The following SLC25A21 variants were observed in gnomAD, a reference collection of about 807,000 sequenced individuals.
The protein encoded by SLC25A21 is solute carrier family 25 member 21, also known as mitochondrial 2-oxodicarboxylate carrier.
In SLC25A21, 47 loss-of-function variants were observed where a neutral mutation model predicts 43.8. The ratio of observed to expected loss-of-function variants is 1.07; its 90% CI spans 0.85 to 1.37. SLC25A21 has a LOEUF of 1.37. SLC25A21 is among the 40% of genes most tolerant of loss of function. The pLI is 0.00. For missense variants in SLC25A21, 352 were observed against 350.2 expected (o/e 1.00, Z -0.04); for synonymous variants, 131 against 121.3 (o/e 1.08, Z -0.52).
At chr14:37,139,410 A>T (rs1330232744) in intron 1 of SLC25A21, among the ~76,000 whole-genome samples, 3 of 152,044 alleles carry the variant, frequency 2.0e-5, no homozygotes, top group Non-Finnish European at 4.4e-5. Context: ...AGAGTAAGAG[A>T]TATATTTCGT....
intron 3 of SLC25A21, among the ~76,000 whole-genome samples, chr14:36,793,973 A>G (rs848095): frequency 0.2 from 30,534 of 151,508 alleles, 3,244 homozygotes; most frequent in Middle Eastern, 0.26. Flanking sequence ...AGAAGTTCAT[A>G]AAACACATTT....
intron 1 of SLC25A21, among the ~76,000 whole-genome samples, chr14:37,131,535 G>C (rs1963391696): frequency 6.6e-6 from 1 of 152,166 alleles, no homozygotes; most frequent in Non-Finnish European, 1.5e-5. Context: ...CACACAGTGA[G>C]ATTAAAATGA....
intron 2 of SLC25A21, among the ~76,000 whole-genome samples, chr14:36,835,993 G>A (rs943122129): frequency 1.3e-5 from 2 of 152,070 alleles, no homozygotes; most frequent in East Asian, 1.9e-4. Flanking sequence ...AATATCTTTC[G>A]CTGAGTGAAC....
At chr14:36,774,939 C>T (rs149274979) in intron 3 of SLC25A21, among the ~76,000 whole-genome samples, 92 of 152,078 alleles carry the variant, frequency 6.0e-4, no homozygotes, top group East Asian at 2.3e-3. Context: ...TTAGAAATAA[C>T]GACAATTTAA....
intron 3 of SLC25A21, among the ~76,000 whole-genome samples, chr14:36,770,810 A>G (rs1886593324): frequency 6.6e-6 from 1 of 152,184 alleles, no homozygotes; most frequent in Non-Finnish European, 1.5e-5. Flanking sequence ...ATATATAATT[A>G]TGTTATGTGT....
At chr14:36,720,938 T>G (rs1884347164) in intron 6 of SLC25A21, among the ~76,000 whole-genome samples, 1 of 152,222 alleles carries the variant, frequency 6.6e-6, no homozygotes, top group Non-Finnish European at 1.5e-5. Flanking sequence ...GGCAGTGGCA[T>G]CTGATAATGA....
intron 3 of SLC25A21, 28 bp downstream of exon 3, chr14:36,813,890 A>T: frequency 6.9e-7 from 1 of 1,456,218 alleles, no homozygotes; most frequent in Non-Finnish European, 9.5e-7. Context: ...GAAACATATT[A>T]AAATGGCTAT....
chr14:36,871,130 C>A (rs567362069), intron 2 of SLC25A21, among the ~76,000 whole-genome samples: 44 of 151,938 alleles, frequency 2.9e-4, no homozygotes, highest in South Asian at 1.0e-3. Context: ...CCCTGCCCCC[C>A]CAAATCCATA....
rs770310998 is a variant in SLC25A21, at chr14:36,703,428, T to C, written c.603+7890A>G. On this transcript the variant is annotated intron_variant, in intron 7 of 9. Coordinates refer to ENST00000331299, the MANE Select transcript of SLC25A21 (RefSeq NM_030631.4). ...AAAATAAATATGTTTGACTTAATGC[T>C]GTCTGTGGTGAATGACCACAGGGAC... 3.7e-4 allele frequency among the ~76,000 whole-genome samples: 56 copies of C among 152,256 alleles called. 1 individual carries two copies. Among genetic ancestry groups the C allele is most frequent in the Non-Finnish European group, 7.6e-4 (52 of 68,038 alleles).
intron 3 of SLC25A21, among the ~76,000 whole-genome samples, chr14:36,745,433 T>C (rs1056614154): frequency 2.0e-5 from 3 of 152,164 alleles, no homozygotes; most frequent in African/African-American, 7.2e-5. Flanking sequence ...TCTTCCACAA[T>C]GGTTGAACTA....
intron 1 of SLC25A21, among the ~76,000 whole-genome samples, chr14:37,147,074 C>T (rs1470606210): frequency 6.6e-6 from 1 of 152,142 alleles, no homozygotes; most frequent in African/African-American, 2.4e-5. Flanking sequence ...GTACTAGGAA[C>T]CACTGGAGTG....
intron 1 of SLC25A21, among the ~76,000 whole-genome samples, chr14:37,026,166 G>A (rs904961053): frequency 6.6e-5 from 10 of 152,110 alleles, no homozygotes; most frequent in African/African-American, 2.4e-4. Flanking sequence ...TCAAGTCATA[G>A]CTCTTTGTAA....
intron 1 of SLC25A21, among the ~76,000 whole-genome samples, chr14:36,884,365 C>T (rs1341936246): frequency 6.6e-6 from 1 of 152,120 alleles, no homozygotes; most frequent in Admixed American, 6.6e-5. Flanking sequence ...ATTTTCTTAT[C>T]ACTCATTCAC....
At chr14:36,703,326 C>T (rs554628931) in intron 7 of SLC25A21, among the ~76,000 whole-genome samples, 3 of 152,298 alleles carry the variant, frequency 2.0e-5, no homozygotes, top group South Asian at 2.1e-4. Flanking sequence ...GAAACTAACA[C>T]ATTTCCACAT....
intron 1 of SLC25A21, among the ~76,000 whole-genome samples, chr14:37,134,054 A>G (rs1170531615): frequency 3.3e-5 from 5 of 152,228 alleles, no homozygotes; most frequent in Non-Finnish European, 7.3e-5. Flanking sequence ...TCCCAGGAAG[A>G]TAAGTAGCTA....
At chr14:37,139,576 A>C (rs1963537124) in intron 1 of SLC25A21, among the ~76,000 whole-genome samples, 1 of 152,198 alleles carries the variant, frequency 6.6e-6, no homozygotes, top group South Asian at 2.1e-4. Flanking sequence ...TCCACTCAGT[A>C]ACTGAAAAAT....
chr14:37,024,970 A>G (rs966305269), intron 1 of SLC25A21, among the ~76,000 whole-genome samples: 21 of 152,154 alleles, frequency 1.4e-4, no homozygotes, highest in African/African-American at 5.1e-4. Flanking sequence ...ATAACTAAAA[A>G]AGATACACTG....
At chr14:37,104,422 C>T (rs1046390283) in intron 1 of SLC25A21, among the ~76,000 whole-genome samples, 1 of 152,096 alleles carries the variant, frequency 6.6e-6, no homozygotes, top group Non-Finnish European at 1.5e-5. Flanking sequence ...GTTATAGCAG[C>T]ATGAACCAAC....
intron 3 of SLC25A21, among the ~76,000 whole-genome samples, chr14:36,810,958 AGG>A (rs1491180471): frequency 4.9e-3 from 733 of 150,280 alleles, no homozygotes; most frequent in Middle Eastern, 0.014. Context: ...TAGAGAAAAG[AGG>A]GTCAGGGAGG....
Sources: gnomAD v4.1 joint callset for allele counts (sites outside exome capture counted in the v4.1 genomes callset) on GRCh38, gnomAD v4.1.1 for gene constraint, MANE v1.5 for transcripts, NCBI Gene and HGNC (gene_info 2026-07-23, HGNC 2026-07-21) for gene names.